AGPS: variants seen among roughly 807,000 people sequenced by gnomAD.
AGPS encodes the protein alkylglycerone phosphate synthase.
A neutral mutation model predicts 90.7 loss-of-function variants in AGPS; 26 were observed. The ratio of observed to expected loss-of-function variants is 0.29; its 90% CI spans 0.21 to 0.40. The LOEUF is 0.40. Among genes scored for constraint, AGPS ranks in the 10% least tolerant of loss-of-function variants. The pLI is 1.00. For missense variants in AGPS, 540 were observed against 816.1 expected (o/e 0.66, Z 4.12); for synonymous variants, 294 against 285.3 (o/e 1.03, Z -0.31).
In AGPS at chr2:177,510,036, C is replaced by A. The variant is rs114219955; in HGVS notation, c.1607+2005C>A. ...AAGGGACTTGAAAAGTTGGGGAAAA[C>A]CTTTTAACGCGTCTAAGACCATTGT... On this transcript the variant is annotated intron_variant, in intron 16 of 19. Transcript: ENST00000264167. 6.6e-3 allele frequency among the ~76,000 whole-genome samples: 1,006 copies of A among 152,300 alleles called. 9 individuals carry two copies. The highest frequency in any genetic ancestry group is 0.024 in the African/African-American group (979 of 41,554).
chr2:177,440,707 A>G (rs995624899), intron 5 of AGPS, among the ~76,000 whole-genome samples: 6 of 152,128 alleles, frequency 3.9e-5, no homozygotes, highest in African/African-American at 1.4e-4. Context: ...GACTGTAGCT[A>G]CATAAGATGT....
At chr2:177,461,765 GC>G in intron 8 of AGPS, 127 bp from the exon 9 acceptor site, 4 of 300,426 alleles carry the variant, frequency 1.3e-5, no homozygotes, top group South Asian at 8.0e-5. Flanking sequence ...TTTTTTTTTT[GC>G]TATGTAGGAA....
At chr2:177,466,877 C>T (rs1348203640) in intron 9 of AGPS, among the ~76,000 whole-genome samples, 1 of 152,158 alleles carries the variant, frequency 6.6e-6, no homozygotes, top group Non-Finnish European at 1.5e-5. Flanking sequence ...GTGGCTGCAG[C>T]TGTGTCCAGG....
chr2:177,525,471 T>A (rs1347716436), intron 19 of AGPS, among the ~76,000 whole-genome samples: 2 of 152,168 alleles, frequency 1.3e-5, no homozygotes, highest in Non-Finnish European at 2.9e-5. Context: ...AGCCAACAAA[T>A]TTGCCCTTTG....
intron 1 of AGPS, among the ~76,000 whole-genome samples, chr2:177,415,484 A>C (rs1685758959): frequency 6.6e-6 from 1 of 152,358 alleles, no homozygotes; most frequent in Admixed American, 6.5e-5. Context: ...TCACACTGCT[A>C]AGAATTATCA....
At chr2:177,430,753 C>A (rs1686219111) in intron 2 of AGPS, among the ~76,000 whole-genome samples, 1 of 152,126 alleles carries the variant, frequency 6.6e-6, no homozygotes, top group Non-Finnish European at 1.5e-5. Context: ...TATTTTCATT[C>A]TTCTCCATGA....
At chr2:177,535,778 T>A (rs2079178409) in intron 19 of AGPS, among the ~76,000 whole-genome samples, 1 of 152,160 alleles carries the variant, frequency 6.6e-6, no homozygotes, top group Admixed American at 6.5e-5. Flanking sequence ...AAACCAAGAT[T>A]TCTGACCCCA....
At chr2:177,523,103 G>C (rs1032665470) in intron 18 of AGPS, among the ~76,000 whole-genome samples, 1 of 152,116 alleles carries the variant, frequency 6.6e-6, no homozygotes, top group Non-Finnish European at 1.5e-5. Flanking sequence ...GTATCCATAA[G>C]ACTGACAAGT....
intron 12 of AGPS, among the ~76,000 whole-genome samples, chr2:177,497,014 T>G (rs1039828044): frequency 6.6e-6 from 1 of 152,060 alleles, no homozygotes; most frequent in African/African-American, 2.4e-5. Flanking sequence ...GACTCTTAAA[T>G]GTAGCAATCA....
chr2:177,441,535 A>C (rs1281414493), intron 6 of AGPS: 1 of 154,988 alleles, frequency 6.5e-6, no homozygotes, highest in Non-Finnish European at 1.4e-5. Flanking sequence ...ATTCCAAATG[A>C]CTGTGACAAG....
chr2:177,473,005 GC>G (rs530104798), intron 10 of AGPS, among the ~76,000 whole-genome samples: 89 of 152,188 alleles, frequency 5.8e-4, no homozygotes, highest in Non-Finnish European at 1.1e-3. Flanking sequence ...AGTAATTTTG[GC>G]TGTACTTCCT....
At position 177,493,168 on chromosome 2, in the gene AGPS, T is replaced by C. The variant is rs1301277717; in HGVS notation, c.1254T>C (p.Ile418=). The change falls in exon 12 of 20, where the codon ATT becomes ATC. Residue 418 remains isoleucine, a synonymous_variant. Transcript: ENST00000264167. The part of the protein sequence containing the change: ...IAKQRCAPAS[I]RLMDNKQFQF... ...AACAGAGATGTGCTCCGGCATCTATTCGCCTCATGGACAACAAGCAGTTTC... is the reference window on the plus strand; with the variant it reads ...AACAGAGATGTGCTCCGGCATCTATCCGCCTCATGGACAACAAGCAGTTTC... The C allele has an allele frequency of 1.2e-6, 2 of 1,613,550 alleles. No individual in the cohort carries two copies. Among genetic ancestry groups the C allele is most frequent in the Non-Finnish European group, 1.7e-6 (2 of 1,179,762 alleles).
intron 9 of AGPS, among the ~76,000 whole-genome samples, chr2:177,466,904 G>A (rs1012996777): frequency 8.5e-5 from 13 of 152,122 alleles, no homozygotes; most frequent in African/African-American, 2.7e-4. Flanking sequence ...GGATTCCTGC[G>A]TGCTTCCGGC....
chr2:177,505,265 C>G lies in AGPS; in HGVS notation c.1476-241C>G, dbSNP rs527752502. ...AATACTTGTGTGAAGATTATTTCAGCTTATTTGTTTCTCATAGTTAATTCT... is the reference window on the plus strand; with the variant it reads ...AATACTTGTGTGAAGATTATTTCAGGTTATTTGTTTCTCATAGTTAATTCT... On this transcript the variant is annotated intron_variant, in intron 14 of 19. Coordinates refer to ENST00000264167, the MANE Select transcript of AGPS (RefSeq NM_003659.4). Among the ~76,000 whole-genome samples the G allele has an allele frequency of 7.2e-5, 11 of 151,948 alleles. No individual in the cohort carries two copies. In the South Asian group the frequency reaches 2.3e-3, roughly 31 times the overall value.
At chr2:177,494,043 G>T (rs1440528620) in intron 12 of AGPS, among the ~76,000 whole-genome samples, 3 of 152,190 alleles carry the variant, frequency 2.0e-5, no homozygotes, top group Non-Finnish European at 4.4e-5. Flanking sequence ...TTGGGAAAAA[G>T]ATATGATAAT....
At chr2:177,451,232 C>T (rs1017032700) in intron 8 of AGPS, among the ~76,000 whole-genome samples, 15 of 152,026 alleles carry the variant, frequency 9.9e-5, no homozygotes, top group South Asian at 2.1e-4. Context: ...TTGGGATTAT[C>T]GGTATGAGCC....
At chr2:177,402,238 A>G (rs970283470) in intron 1 of AGPS, among the ~76,000 whole-genome samples, 1 of 152,262 alleles carries the variant, frequency 6.6e-6, no homozygotes, top group African/African-American at 2.4e-5. Flanking sequence ...GAGTTTAGTC[A>G]TATGGATATC....
intron 8 of AGPS, among the ~76,000 whole-genome samples, chr2:177,449,965 G>A (rs1162148801): frequency 6.6e-6 from 1 of 151,896 alleles, no homozygotes. Context: ...AGCCTCCCCA[G>A]TAGCTGGGAC....
At chr2:177,458,926 A>G (rs1442130988) in intron 8 of AGPS, among the ~76,000 whole-genome samples, 1 of 152,220 alleles carries the variant, frequency 6.6e-6, no homozygotes, top group Non-Finnish European at 1.5e-5. Flanking sequence ...TTCAAACTAT[A>G]CTACAAGGCC....
Sources: allele counts gnomAD v4.1 joint callset (sites outside exome capture counted in the v4.1 genomes callset), GRCh38; gene constraint gnomAD v4.1.1; transcripts MANE v1.5; gene names NCBI Gene and HGNC (gene_info 2026-07-23, HGNC 2026-07-21).